The following TMEM230 variants were observed in gnomAD, a reference collection of about 807,000 sequenced individuals.
TMEM230 encodes UPF0414 transmembrane protein C20orf30.
A neutral mutation model predicts 15.8 loss-of-function variants in TMEM230; 10 were observed. The ratio of observed to expected loss-of-function variants is 0.63; its 90% CI spans 0.39 to 1.07. The LOEUF (loss-of-function observed/expected upper bound fraction) is 1.07, where lower values mean the gene tolerates loss of function less well. Among genes scored for constraint, TMEM230 ranks in the 50% least tolerant of loss-of-function variants. The pLI is 0.01. For synonymous variants in TMEM230, 67 were observed against 76.9 expected (o/e 0.87, Z 0.68); for missense variants, 165 against 193.3 (o/e 0.85, Z 0.87).
At chr20:5,084,347 C>T (rs1365581462) in intron 3 of TMEM230, among the ~76,000 whole-genome samples, 1 of 151,348 alleles carries the variant, frequency 6.6e-6, no homozygotes, top group African/African-American at 2.4e-5. Context: ...CCTCAGCCCC[C>T]TGAGTAACTG....
chr20:5,091,717 T>C (rs2089511972), intron 3 of TMEM230, among the ~76,000 whole-genome samples: 1 of 109,644 alleles, frequency 9.1e-6, no homozygotes. Context: ...TGGTGGACGA[T>C]TCCTTTTTGA....
chr20:5,093,193 AG>A (rs1375099050), intron 3 of TMEM230, among the ~76,000 whole-genome samples: 30 of 152,370 alleles, frequency 2.0e-4, no homozygotes, highest in African/African-American at 6.7e-4. Flanking sequence ...ACATTAACGA[AG>A]AACTATTCAA....
Position 5,100,237 on chromosome 20 carries a change from T to C in TMEM230, c.*554A>G, listed in dbSNP as rs988325759. Reference sequence around the variant, plus strand: ...GAGGAAGTATTTACATTTTGAAAACTTGCTCTGCAGGATAAAAAAATTCCT... The same window carrying C: ...GAGGAAGTATTTACATTTTGAAAACCTGCTCTGCAGGATAAAAAAATTCCT... On this transcript the variant is annotated 3_prime_UTR_variant, in exon 5 of 5. Transcript: ENST00000342308. 4.1e-6 allele frequency: 4 copies of C among 985,414 alleles called. No homozygotes were observed. In the African/African-American group the frequency reaches 5.2e-5, roughly 13 times the overall value. The allele number at this position is 985,414 out of a possible 1,614,324, so 61.0% of individuals were successfully genotyped here.
At chr20:5,077,103 C>T (rs1002188878) in intron 3 of TMEM230, among the ~76,000 whole-genome samples, 3 of 151,836 alleles carry the variant, frequency 2.0e-5, no homozygotes, top group Non-Finnish European at 4.4e-5. Flanking sequence ...CCCAGGAGTT[C>T]GAGATCAGCC....
chr20:5,112,670 T>G, intron 1 of TMEM230: 1 of 1,379,732 alleles, frequency 7.2e-7, no homozygotes, highest in Non-Finnish European at 9.4e-7. Flanking sequence ...GTTACGAGAG[T>G]TCTAAAAGCA....
intron 3 of TMEM230, among the ~76,000 whole-genome samples, chr20:5,091,771 T>G (rs1232412430): frequency 6.6e-6 from 1 of 152,178 alleles, no homozygotes; most frequent in East Asian, 1.9e-4. Flanking sequence ...CCAAAATAAT[T>G]CATGGATAAA....
the TMEM230 span, chr20:5,060,994 T>C: frequency 6.6e-6 from 1 of 152,210 alleles, no homozygotes; most frequent in Non-Finnish European, 1.5e-5. Flanking sequence ...AATCTTGGCA[T>C]TGTCAGAGTA....
At chr20:5,077,006 A>T (rs1158853937) in intron 3 of TMEM230, among the ~76,000 whole-genome samples, 1 of 150,276 alleles carries the variant, frequency 6.7e-6, no homozygotes, top group African/African-American at 2.4e-5. Context: ...TCATTCATAC[A>T]TTCTTTCAAC....
rs575165554 is a variant in TMEM230 at position 5,082,919 on chromosome 20, A to G, written c.223-13570T>C. Among the ~76,000 whole-genome samples the G allele has an allele frequency of 1.3e-3, 163 of 124,684 alleles. 2 individuals carry two copies. In the Middle Eastern group the frequency reaches 0.017, roughly 13 times the overall value. The allele number at this position is 124,684 out of a possible 152,430, so 81.8% of individuals were successfully genotyped here. A position where few individuals can be genotyped will look rare whatever the true frequency, so the allele number is the denominator to read the frequency against. On this transcript the variant is annotated intron_variant, in intron 3 of 3. Transcript: ENST00000612323. ...ATGGCATTTGTGATTAATTCTTCAT[A>G]TTGTTTTTTTTTTTTTTTTCTTTTT...
At chr20:5,088,814 C>A (rs2089429894) in intron 3 of TMEM230, among the ~76,000 whole-genome samples, 1 of 152,158 alleles carries the variant, frequency 6.6e-6, no homozygotes, top group Non-Finnish European at 1.5e-5. Context: ...ATGCCCAACC[C>A]AGAACCAGGT....
intron 3 of TMEM230, among the ~76,000 whole-genome samples, chr20:5,080,636 G>A (rs1211477938): frequency 6.6e-6 from 1 of 151,206 alleles, no homozygotes; most frequent in Non-Finnish European, 1.5e-5. Context: ...GCGCAATCTC[G>A]GCTCACCACA....
intron 4 of TMEM230, 61 bp downstream of exon 3, chr20:5,106,127 T>G (rs1195048977): frequency 6.5e-7 from 1 of 1,541,126 alleles, no homozygotes; most frequent in East Asian, 2.4e-5. Context: ...ACACGCACAC[T>G]AGAGCCTTGG....
the TMEM230 span, chr20:5,061,369 C>A: frequency 0.13 from 19,074 of 152,120 alleles, 1,490 homozygotes; most frequent in African/African-American, 0.21. Flanking sequence ...ATGTAGTTTC[C>A]GAACTGGCAG....
chr20:5,084,620 C>T (rs561513853), intron 3 of TMEM230, among the ~76,000 whole-genome samples: 177 of 152,118 alleles, frequency 1.2e-3, no homozygotes, highest in Admixed American at 3.2e-3. Flanking sequence ...CTGCAACCTC[C>T]GCTTCCTGGG....
intron 3 of TMEM230, among the ~76,000 whole-genome samples, chr20:5,081,459 C>T (rs559628645): frequency 5.9e-5 from 9 of 152,282 alleles, no homozygotes; most frequent in South Asian, 4.1e-4. Context: ...CGCACCCCGG[C>T]GGAGCAGCAG....
intron 3 of TMEM230, among the ~76,000 whole-genome samples, chr20:5,080,914 C>T (rs2089158447): frequency 6.6e-6 from 1 of 152,152 alleles, no homozygotes; most frequent in Non-Finnish European, 1.5e-5. Context: ...GCCCCTGGAC[C>T]CCTGCTGATC....
At chr20:5,066,339 A>G (rs73072261), downstream of TMEM230, 12,018 of 152,278 alleles carry the variant, frequency 0.079, 551 homozygotes, top group Non-Finnish European at 0.1. Flanking sequence ...AGAAAAGGCA[A>G]AACTAGGGAG....
At chr20:5,105,026 T>C (rs1250001805) in intron 4 of TMEM230, among the ~76,000 whole-genome samples, 2 of 152,262 alleles carry the variant, frequency 1.3e-5, no homozygotes, top group African/African-American at 4.8e-5. Flanking sequence ...AGCTCACGCC[T>C]GTAATCCCAG....
chr20:5,065,207 C>A (rs1161999076), downstream of TMEM230, among the ~76,000 whole-genome samples: 2 of 151,902 alleles, frequency 1.3e-5, no homozygotes, highest in Admixed American at 6.6e-5. Flanking sequence ...ATCACCTGAG[C>A]TCGAGTTTGA....
Sources: gnomAD v4.1 joint callset for allele counts (sites outside exome capture counted in the v4.1 genomes callset) on GRCh38, gnomAD v4.1.1 for gene constraint, MANE v1.5 for transcripts, NCBI Gene and HGNC (gene_info 2026-07-23, HGNC 2026-07-21) for gene names.